Variants in PAK5 observed in about 807,000 individuals in gnomAD.
PAK5 encodes the protein serine/threonine-protein kinase PAK 5.
Under a neutral mutation model 65.9 loss-of-function variants are expected in PAK5, and 16 were observed. That is an observed-to-expected ratio of 0.24 (90% CI 0.16 to 0.37). The LOEUF (loss-of-function observed/expected upper bound fraction) is 0.37, where lower values mean the gene tolerates loss of function less well. Ranked by LOEUF, PAK5 falls within the 10% of genes least tolerant of loss-of-function variation. PAK5 has a pLI of 1.00. For missense variants in PAK5, 785 were observed against 903.9 expected, an observed-to-expected ratio of 0.87 and a Z score of 1.69; for synonymous variants, 371 against 354.9, an observed-to-expected ratio of 1.05 and a Z score of -0.51.
chr20:9,806,689 G>A (rs990853680), intron 1 of PAK5, among the ~76,000 whole-genome samples: 5 of 152,168 alleles, frequency 3.3e-5, no homozygotes, highest in African/African-American at 1.2e-4. Flanking sequence ...ACTAAGGAGT[G>A]TGTTATCCAT....
At chr20:9,815,654 A>G (rs142672940) in intron 1 of PAK5, among the ~76,000 whole-genome samples, 422 of 152,284 alleles carry the variant, frequency 2.8e-3, no homozygotes, top group African/African-American at 9.8e-3. Flanking sequence ...GTCCCTCATG[A>G]TTCAAAAATA....
intron 1 of PAK5, among the ~76,000 whole-genome samples, chr20:9,787,856 G>A (rs1037455370): frequency 6.6e-6 from 1 of 151,928 alleles, no homozygotes; most frequent in African/African-American, 2.4e-5. Flanking sequence ...AAATAATGAG[G>A]AAGTGGTGAC....
intron 1 of PAK5, among the ~76,000 whole-genome samples, chr20:9,787,983 T>TG (rs5840335): frequency 0.69 from 104,102 of 150,580 alleles, 36,248 homozygotes; most frequent in Admixed American, 0.75. Context: ...CTGTGTGTGT[T>TG]GGGGGGGGTA....
At chr20:9,786,150 G>T (rs1225011657) in intron 1 of PAK5, among the ~76,000 whole-genome samples, 1 of 151,992 alleles carries the variant, frequency 6.6e-6, no homozygotes, top group East Asian at 1.9e-4. Context: ...ATAATTAAGG[G>T]GTATATTCAT....
chr20:9,704,670 G>A (rs1212710468), intron 2 of PAK5, among the ~76,000 whole-genome samples: 3 of 152,082 alleles, frequency 2.0e-5, no homozygotes, highest in African/African-American at 4.8e-5. Flanking sequence ...TGCACTAAGC[G>A]CTGAGGTTTT....
intron 1 of PAK5, among the ~76,000 whole-genome samples, chr20:9,730,842 C>T (rs1430890599): frequency 6.6e-6 from 1 of 152,176 alleles, no homozygotes; most frequent in African/African-American, 2.4e-5. Context: ...AAGGACTCAG[C>T]CTTATCTAAT....
intron 3 of PAK5, among the ~76,000 whole-genome samples, chr20:9,633,793 T>C (rs1256628069): frequency 1.3e-5 from 2 of 152,216 alleles, no homozygotes; most frequent in East Asian, 3.8e-4. Context: ...ACACAGCCAC[T>C]GCAGGAATGC....
chr20:9,809,331 C>A (rs941987569), intron 1 of PAK5, among the ~76,000 whole-genome samples: 1 of 126,022 alleles, frequency 7.9e-6, no homozygotes, highest in African/African-American at 3.2e-5. Flanking sequence ...TTGAGGCAAT[C>A]CAAATTTTTT....
intron 1 of PAK5, among the ~76,000 whole-genome samples, chr20:9,806,635 C>CTTTA (rs2049236136): frequency 6.6e-6 from 1 of 152,050 alleles, no homozygotes; most frequent in African/African-American, 2.4e-5. Context: ...TTCACTAAGT[C>CTTTA]CTCTCCAATT....
chr20:9,554,730 G>A (rs906811818), intron 7 of PAK5, among the ~76,000 whole-genome samples: 2 of 152,124 alleles, frequency 1.3e-5, no homozygotes, highest in African/African-American at 4.8e-5. Context: ...TAAAAGAAAA[G>A]TTTCCTTTTC....
At chr20:9,609,183 T>C (rs2046511908) in intron 3 of PAK5, among the ~76,000 whole-genome samples, 1 of 152,126 alleles carries the variant, frequency 6.6e-6, no homozygotes, top group Non-Finnish European at 1.5e-5. Context: ...TCTCTAGTAA[T>C]GAAGACAGAC....
intron 1 of PAK5, among the ~76,000 whole-genome samples, chr20:9,787,202 G>T (rs2049001813): frequency 6.6e-6 from 1 of 152,154 alleles, no homozygotes; most frequent in Admixed American, 6.6e-5. Context: ...GAGGGGTCAA[G>T]TTACTTGCCT....
At chr20:9,770,452 G>A (rs1002499032) in intron 1 of PAK5, among the ~76,000 whole-genome samples, 5 of 152,082 alleles carry the variant, frequency 3.3e-5, no homozygotes, top group Admixed American at 6.6e-5. Context: ...CTGACTACTC[G>A]GCAGCTCTAA....
intron 1 of PAK5, among the ~76,000 whole-genome samples, chr20:9,756,206 T>TA (rs1372158209): frequency 1.3e-5 from 2 of 152,246 alleles, no homozygotes; most frequent in African/African-American, 4.8e-5. Context: ...ATACTAATAT[T>TA]AATATTCTAT....
At chr20:9,683,563 A>T (rs1418675716) in intron 2 of PAK5, among the ~76,000 whole-genome samples, 3 of 152,112 alleles carry the variant, frequency 2.0e-5, no homozygotes, top group East Asian at 1.9e-4. Flanking sequence ...TGAGATATAA[A>T]GTTGTGACCA....
At chr20:9,790,847 G>A (rs918363549) in intron 1 of PAK5, among the ~76,000 whole-genome samples, 2 of 151,998 alleles carry the variant, frequency 1.3e-5, no homozygotes, top group African/African-American at 4.8e-5. Context: ...TGATGAAAGG[G>A]GAAAGGTACT....
At chr20:9,801,066 A>G (rs2049163497) in intron 1 of PAK5, among the ~76,000 whole-genome samples, 1 of 152,154 alleles carries the variant, frequency 6.6e-6, no homozygotes, top group South Asian at 2.1e-4. Flanking sequence ...TTTATTTTAC[A>G]GTAAGATATG....
At chr20:9,547,163 C>A (rs1379370105) in intron 7 of PAK5, among the ~76,000 whole-genome samples, 1 of 152,078 alleles carries the variant, frequency 6.6e-6, no homozygotes, top group African/African-American at 2.4e-5. Context: ...AGTTTACAAG[C>A]CAAGCAACAC....
chr20:9,575,128 A>G (rs1473667811), intron 4 of PAK5, among the ~76,000 whole-genome samples: 1 of 152,218 alleles, frequency 6.6e-6, no homozygotes, highest in Non-Finnish European at 1.5e-5. Flanking sequence ...CAGTGAAAAC[A>G]CATTGAACTG....
Sources: gnomAD v4.1 joint callset for allele counts (sites outside exome capture counted in the v4.1 genomes callset) on GRCh38, gnomAD v4.1.1 for gene constraint, MANE v1.5 for transcripts, NCBI Gene and HGNC (gene_info 2026-07-23, HGNC 2026-07-21) for gene names.